Variants in CDH18 observed in about 807,000 individuals in gnomAD.
CDH18 encodes the protein cadherin 18.
A neutral mutation model predicts 67.9 loss-of-function variants in CDH18; 31 were observed. The ratio of observed to expected loss-of-function variants is 0.46; its 90% CI spans 0.34 to 0.62. The LOEUF is 0.62. CDH18 is among the 20% of genes least tolerant of loss of function. CDH18 has a pLI of 0.01. For synonymous variants in CDH18, 362 were observed against 347.2 expected, an observed-to-expected ratio of 1.04 and a Z score of -0.48; for missense variants, 890 against 975.5, an observed-to-expected ratio of 0.91 and a Z score of 1.17.
intron 2 of CDH18, among the ~76,000 whole-genome samples, chr5:20,031,770 C>T (rs1739417646): frequency 6.6e-6 from 1 of 151,980 alleles, no homozygotes; most frequent in Non-Finnish European, 1.5e-5. Context: ...ATTTCAAATT[C>T]CACAATTCAC....
At chr5:20,350,513 A>G (rs1309994293) in intron 1 of CDH18, among the ~76,000 whole-genome samples, 1 of 152,130 alleles carries the variant, frequency 6.6e-6, no homozygotes, top group African/African-American at 2.4e-5. Context: ...CATAAAGGTA[A>G]TTACTTTTGT....
intron 1 of CDH18, among the ~76,000 whole-genome samples, chr5:20,568,388 A>G (rs1758631388): frequency 6.6e-6 from 1 of 152,178 alleles, no homozygotes; most frequent in South Asian, 2.1e-4. Flanking sequence ...CTTAGATTGA[A>G]GGAAAACTTT....
At chr5:20,354,906 C>T (rs1386089374) in intron 1 of CDH18, among the ~76,000 whole-genome samples, 1 of 152,100 alleles carries the variant, frequency 6.6e-6, no homozygotes. Flanking sequence ...ATCTACAACC[C>T]TTCTGCATGA....
chr5:19,571,225 G>A (rs934718820), intron 8 of CDH18, among the ~76,000 whole-genome samples: 2 of 152,128 alleles, frequency 1.3e-5, no homozygotes, highest in African/African-American at 2.4e-5. Flanking sequence ...AAATCATCAC[G>A]CTTTGTACTA....
At chr5:20,134,952 C>T (rs935463774) in intron 2 of CDH18, among the ~76,000 whole-genome samples, 2 of 152,094 alleles carry the variant, frequency 1.3e-5, no homozygotes, top group African/African-American at 2.4e-5. Context: ...AATTGCTTCT[C>T]CAGTGGCATA....
At chr5:20,523,741 T>C (rs544239334) in intron 1 of CDH18, among the ~76,000 whole-genome samples, 3 of 152,158 alleles carry the variant, frequency 2.0e-5, no homozygotes, top group Non-Finnish European at 4.4e-5. Context: ...CATTTCACCA[T>C]ATTGGCCAGG....
intron 1 of CDH18, chr5:20,255,594 A>C (rs1280094857): frequency 6.6e-6 from 1 of 152,092 alleles, no homozygotes; most frequent in Non-Finnish European, 1.5e-5. Context: ...TCATACATTA[A>C]ACAAAGCTGA....
chr5:19,593,657 TCCCCTTCTA>T (rs1745570845), intron 6 of CDH18, among the ~76,000 whole-genome samples: 2 of 68,378 alleles, frequency 2.9e-5, no homozygotes, highest in South Asian at 5.5e-4. Flanking sequence ...CCACTCCCCC[TCCCCTTCTA>T]CCTCCTTCTT....
chr5:20,058,750 C>T (rs1248630567), intron 2 of CDH18, among the ~76,000 whole-genome samples: 1 of 152,100 alleles, frequency 6.6e-6, no homozygotes, highest in African/African-American at 2.4e-5. Flanking sequence ...GTCTCATTAG[C>T]TTTTATAAGG....
chr5:20,470,379 C>A (rs189514323), intron 1 of CDH18, among the ~76,000 whole-genome samples: 2 of 152,290 alleles, frequency 1.3e-5, no homozygotes, highest in Non-Finnish European at 2.9e-5. Flanking sequence ...AACACACAAC[C>A]ATGCTACATG....
At chr5:19,986,462 T>C (rs1213138734) in intron 1 of CDH18, among the ~76,000 whole-genome samples, 1 of 152,224 alleles carries the variant, frequency 6.6e-6, no homozygotes, top group East Asian at 1.9e-4. Context: ...AGAGAGGCAA[T>C]CAATCTTGAC....
At chr5:20,213,031 A>G (rs369335293) in intron 2 of CDH18, among the ~76,000 whole-genome samples, 1 of 152,158 alleles carries the variant, frequency 6.6e-6, no homozygotes, top group Admixed American at 6.6e-5. Context: ...ATTTCAGCCT[A>G]TCCCAGCTTT....
Position 19,916,485 on chromosome 5 carries a change from C to G in CDH18, c.-257+64575G>C, listed in dbSNP as rs966163755. Among the ~76,000 whole-genome samples, 5 of 152,254 alleles carry G rather than the reference C, an allele frequency of 3.3e-5. 1 individual carries two copies. The South Asian group carries it at 1.0e-3, about 32-fold the overall frequency. On this transcript the variant is annotated intron_variant, in intron 2 of 12. Transcript: ENST00000382275. ...AGTCACACCAAAAGCCAACTTCATC[C>G]TCCTCTTCCTTCTCCACACTTTCTA...
In CDH18 at chr5:19,994,845, T is replaced by TAGAGAG. The variant is rs1216282321; in HGVS notation, c.-517-2832_-517-2831insCTCTCT. Among the ~76,000 whole-genome samples, 205 of 31,742 alleles carry TAGAGAG rather than the reference T, an allele frequency of 6.5e-3. 15 individuals are homozygous for TAGAGAG. The highest frequency in any genetic ancestry group is 9.8e-3 in the Admixed American group (20 of 2,034). 20.8% of individuals were successfully genotyped at this position (31,742 alleles called of 152,430 possible). ...TATAAAGAGAATATATATATATATA[T>TAGAGAG]ATATATATATAGAGAGAGAGAGAGA... is the stretch of plus-strand genomic sequence containing the variant. On this transcript the variant is annotated intron_variant, in intron 2 of 14. Transcript: ENST00000507958.
chr5:19,775,944 T>C (rs1011591329), intron 3 of CDH18, among the ~76,000 whole-genome samples: 1 of 152,070 alleles, frequency 6.6e-6, no homozygotes, highest in Non-Finnish European at 1.5e-5. Context: ...GCAATTATTA[T>C]GATAAGGGGA....
chr5:19,551,818 T>A (rs978648887), intron 8 of CDH18, among the ~76,000 whole-genome samples: 1 of 152,168 alleles, frequency 6.6e-6, no homozygotes, highest in Admixed American at 6.6e-5. Context: ...TAGCCAGAAC[T>A]TCAGCCTGTT....
rs113182011 is a variant in CDH18, at chr5:20,448,099, A to G, written c.-580+127363T>C. ...CCTGGTGTGTGATGTTCCCCTTCCCATATCCAAGCGCTCTCGTTCAATTCC... is the reference window on the plus strand; with the variant it reads ...CCTGGTGTGTGATGTTCCCCTTCCCGTATCCAAGCGCTCTCGTTCAATTCC... On this transcript the variant is annotated intron_variant, in intron 1 of 14. Transcript: ENST00000507958. Among the ~76,000 whole-genome samples, 1,340 of 147,460 alleles carry G rather than the reference A, an allele frequency of 9.1e-3. 17 individuals are homozygous for G. The highest frequency in any genetic ancestry group is 0.032 in the African/African-American group (1,271 of 39,930).
At chr5:20,475,580 T>C (rs532145898) in intron 1 of CDH18, among the ~76,000 whole-genome samples, 1 of 152,230 alleles carries the variant, frequency 6.6e-6, no homozygotes, top group Non-Finnish European at 1.5e-5. Flanking sequence ...GGTATGTATG[T>C]CTGTATATTT....
chr5:20,047,364 T>C (rs1263636648), intron 2 of CDH18, among the ~76,000 whole-genome samples: 4 of 151,900 alleles, frequency 2.6e-5, no homozygotes, highest in Admixed American at 1.3e-4. Flanking sequence ...AGATAATACA[T>C]GCGAAATCAT....
Sources: allele counts gnomAD v4.1 joint callset (sites outside exome capture counted in the v4.1 genomes callset), GRCh38; gene constraint gnomAD v4.1.1; transcripts MANE v1.5; gene names NCBI Gene and HGNC (gene_info 2026-07-23, HGNC 2026-07-21).